DCDC2: variants seen among roughly 807,000 people sequenced by gnomAD.
DCDC2 encodes doublecortin domain containing 2.
DCDC2 carries 40 observed loss-of-function variants against 50.2 expected under a neutral mutation model. That is an observed-to-expected ratio of 0.80 (90% confidence interval 0.62 to 1.04). The LOEUF (loss-of-function observed/expected upper bound fraction) is 1.04, where lower values mean the gene tolerates loss of function less well. Among genes scored for constraint, DCDC2 ranks in the 50% least tolerant of loss-of-function variants. The pLI is 0.00. For missense variants in DCDC2, 570 were observed against 581.9 expected (o/e 0.98, Z 0.21); for synonymous variants, 234 against 210.6 (o/e 1.11, Z -0.96).
intron 7 of DCDC2, among the ~76,000 whole-genome samples, chr6:24,218,279 C>T (rs778942696): frequency 6.6e-6 from 1 of 151,980 alleles, no homozygotes; most frequent in Non-Finnish European, 1.5e-5. Context: ...ACAAAATTAT[C>T]AAGGAAGAAG....
At chr6:24,190,080 A>AC (rs1411659075) in intron 8 of DCDC2, among the ~76,000 whole-genome samples, 1 of 151,762 alleles carries the variant, frequency 6.6e-6, no homozygotes, top group African/African-American at 2.4e-5. Context: ...ACCGAAAAAA[A>AC]AAAAAAAGGT....
chr6:24,253,289 T>C (rs1762829258), intron 7 of DCDC2, among the ~76,000 whole-genome samples: 1 of 152,124 alleles, frequency 6.6e-6, no homozygotes, highest in Non-Finnish European at 1.5e-5. Context: ...AATGTGAGAA[T>C]AAAAATAGTA....
At chr6:24,195,437 A>G (rs1581579527) in intron 8 of DCDC2, among the ~76,000 whole-genome samples, 1 of 152,200 alleles carries the variant, frequency 6.6e-6, no homozygotes, top group East Asian at 1.9e-4. Context: ...AAGTGTACAA[A>G]TCAATGGGAT....
chr6:24,337,232 C>T (rs1323073941), intron 2 of DCDC2, among the ~76,000 whole-genome samples: 2 of 152,116 alleles, frequency 1.3e-5, no homozygotes, highest in South Asian at 2.1e-4. Context: ...ATAAAAAATG[C>T]ATTCAGTGAT....
At chr6:24,181,192 C>T (rs150518526) in intron 8 of DCDC2, among the ~76,000 whole-genome samples, 1 of 152,206 alleles carries the variant, frequency 6.6e-6, no homozygotes, top group East Asian at 1.9e-4. Flanking sequence ...AAACTCAGGT[C>T]CAGAGGGGAA....
intron 2 of DCDC2, among the ~76,000 whole-genome samples, chr6:24,309,980 T>TA (rs1561769466): frequency 6.6e-6 from 1 of 151,130 alleles, no homozygotes; most frequent in South Asian, 2.1e-4. Context: ...AAATAATAAT[T>TA]AAAAAAAAGA....
At chr6:24,340,552 C>G (rs903018425) in intron 2 of DCDC2, among the ~76,000 whole-genome samples, 2 of 151,908 alleles carry the variant, frequency 1.3e-5, no homozygotes, top group Non-Finnish European at 2.9e-5. Flanking sequence ...TTTAATCCAG[C>G]TTTTAAAAAC....
chr6:24,366,553 T>C, the DCDC2 span, among the ~76,000 whole-genome samples: 1 of 152,300 alleles, frequency 6.6e-6, no homozygotes, highest in Non-Finnish European at 1.5e-5. Flanking sequence ...ATGGTAAACA[T>C]TAAGTGTTTA....
intron 7 of DCDC2, among the ~76,000 whole-genome samples, chr6:24,206,733 CAAATA>C (rs531683433): frequency 1.3e-5 from 2 of 151,986 alleles, no homozygotes; most frequent in Non-Finnish European, 2.9e-5. Context: ...TCGATAACAA[CAAATA>C]AAATAAAATT....
intron 4 of DCDC2, among the ~76,000 whole-genome samples, chr6:24,300,589 T>C (rs1395748184): frequency 6.6e-6 from 1 of 152,190 alleles, no homozygotes; most frequent in Non-Finnish European, 1.5e-5. Context: ...TCTCAATGAC[T>C]ATGAGACTGT....
chr6:24,274,505 A>C (rs1294833588), intron 7 of DCDC2, among the ~76,000 whole-genome samples: 1 of 149,334 alleles, frequency 6.7e-6, no homozygotes, highest in African/African-American at 2.5e-5. Flanking sequence ...CCTACTTTGC[A>C]TCTTGGCTAC....
intron 7 of DCDC2, among the ~76,000 whole-genome samples, chr6:24,263,353 C>T (rs1019000094): frequency 5.3e-5 from 8 of 152,098 alleles, no homozygotes; most frequent in African/African-American, 1.9e-4. Context: ...TCCAAAGCAT[C>T]GAGACCATCC....
chr6:24,341,141 T>C (rs1760148273), intron 2 of DCDC2, among the ~76,000 whole-genome samples: 1 of 152,174 alleles, frequency 6.6e-6, no homozygotes. Context: ...TACTCACTGC[T>C]AGAAAGAGGG....
chr6:24,204,961 T>A (rs1224170980), intron 8 of DCDC2, 41 bp downstream of exon 8: 1 of 1,568,946 alleles, frequency 6.4e-7, no homozygotes, highest in East Asian at 2.2e-5. Context: ...AAAAAAACAC[T>A]ATAATTGTCT....
chr6:24,341,464 C>T (rs1022884105), intron 2 of DCDC2, among the ~76,000 whole-genome samples: 1 of 152,020 alleles, frequency 6.6e-6, no homozygotes, highest in Non-Finnish European at 1.5e-5. Context: ...GGGCATACTG[C>T]CTGCATATTT....
chr6:24,369,469 G>A, the DCDC2 span, among the ~76,000 whole-genome samples: 9 of 152,036 alleles, frequency 5.9e-5, 1 homozygote, highest in African/African-American at 2.2e-4. Context: ...AATTAGCCAT[G>A]CATGGTGGTG....
chr6:24,295,833 A>G (rs1226522563), intron 4 of DCDC2, among the ~76,000 whole-genome samples: 2 of 152,172 alleles, frequency 1.3e-5, no homozygotes, highest in African/African-American at 4.8e-5. Flanking sequence ...GACACAAACA[A>G]ACAGGAAAAA....
rs1760512879 is a variant in DCDC2, at chr6:24,357,963, A to C, written c.-213T>G. The C allele has an allele frequency of 6.7e-7, 1 of 1,488,128 alleles. No homozygotes were observed. Among genetic ancestry groups the C allele is most frequent in the African/African-American group, 1.4e-5 (1 of 71,146 alleles). 92.2% of individuals were successfully genotyped at this position (1,488,128 alleles called of 1,614,324 possible). A position where few individuals can be genotyped will look rare whatever the true frequency, so the allele number is the denominator to read the frequency against. The stretch of plus-strand genomic sequence containing the variant: ...TTGCAGGACTCGGAGTAGACGCTCA[A>C]GTTTTTCACCGTGGCGTGCACAGCC... On this transcript the variant is annotated 5_prime_UTR_variant, in exon 1 of 10. Coordinates refer to ENST00000378454, the MANE Select transcript of DCDC2 (RefSeq NM_016356.5).
rs1554142065 is a variant in DCDC2, at chr6:24,172,989, A to AAAAAATAATAATAATAATAAT, written c.*1740_*1741insATTATTATTATTATTATTTTT. ...GACAAGAGCAAGACTTCATCTCAAA[A>AAAAAATAATAATAATAATAAT]AATAATAATAATAATAATAATAATA... On this transcript the variant is annotated 3_prime_UTR_variant, in exon 10 of 10. Coordinates refer to ENST00000378454, the MANE Select transcript of DCDC2 (RefSeq NM_016356.5). The AAAAAATAATAATAATAATAAT allele has an allele frequency of 1.4e-5, 2 of 145,952 alleles. No homozygotes were observed. Among genetic ancestry groups the AAAAAATAATAATAATAATAAT allele is most frequent in the East Asian group, 4.1e-4 (2 of 4,844 alleles). 9.0% of individuals were successfully genotyped at this position (145,952 alleles called of 1,614,324 possible).
Sources: allele counts gnomAD v4.1 joint callset (sites outside exome capture counted in the v4.1 genomes callset), GRCh38; gene constraint gnomAD v4.1.1; transcripts MANE v1.5; gene names NCBI Gene and HGNC (gene_info 2026-07-23, HGNC 2026-07-21).